The following VAX2 variants were observed in gnomAD, a reference collection of about 807,000 sequenced individuals.
VAX2 encodes ventral anterior homeobox 2.
Under a neutral mutation model 12.5 loss-of-function variants are expected in VAX2, and 8 were observed. The ratio of observed to expected loss-of-function variants is 0.64; its 90% confidence interval spans 0.37 to 1.15. VAX2 has a LOEUF of 1.15. Among genes scored for constraint, VAX2 ranks in the 50% most tolerant of loss-of-function variants. The pLI is 0.01. For missense variants in VAX2, 476 were observed against 412.9 expected (o/e 1.15, Z -1.32); for synonymous variants, 183 against 187.6 (o/e 0.98, Z 0.20).
rs1679749073 is a variant in VAX2 at position 70,933,266 on chromosome 2, C to T, written c.*62C>T. On this transcript the variant is annotated 3_prime_UTR_variant, in exon 3 of 3. Transcript: ENST00000234392. ...ACCTTCCCAGTCTCCTGTGCCCCAG[C>T]GGACAGCACTGAGCAGGCCCCGGAG... 1.3e-5 allele frequency: 19 copies of T among 1,435,112 alleles called. No homozygotes were observed. The highest frequency in any genetic ancestry group is 1.0e-4 in the East Asian group (4 of 39,022). 88.9% of individuals were successfully genotyped at this position (1,435,112 alleles called of 1,614,324 possible). A position where few individuals can be genotyped will look rare whatever the true frequency, so the allele number is the denominator to read the frequency against.
intron 1 of VAX2, among the ~76,000 whole-genome samples, chr2:70,909,747 C>T (rs1553411008): frequency 6.6e-6 from 1 of 152,036 alleles, no homozygotes; most frequent in African/African-American, 2.4e-5. Context: ...TTCTTTTTAA[C>T]CACTGTATAG....
At chr2:70,927,218 T>A (rs940862561) in intron 2 of VAX2, among the ~76,000 whole-genome samples, 1 of 151,932 alleles carries the variant, frequency 6.6e-6, no homozygotes, top group Non-Finnish European at 1.5e-5. Flanking sequence ...AGGGTCCAAG[T>A]AGGACATAAG....
chr2:70,903,317 G>A (rs375503101), intron 1 of VAX2, among the ~76,000 whole-genome samples: 16 of 152,266 alleles, frequency 1.1e-4, no homozygotes, highest in South Asian at 8.3e-4. Flanking sequence ...GTCAATGTTG[G>A]GTTGGGGCCT....
At chr2:70,909,954 T>C (rs1036058077) in intron 1 of VAX2, among the ~76,000 whole-genome samples, 9 of 152,206 alleles carry the variant, frequency 5.9e-5, no homozygotes, top group Non-Finnish European at 1.3e-4. Flanking sequence ...ATTTATACCA[T>C]AGAATGAGTG....
At chr2:70,909,763 C>T (rs1424510448) in intron 1 of VAX2, among the ~76,000 whole-genome samples, 4 of 151,976 alleles carry the variant, frequency 2.6e-5, no homozygotes, top group African/African-American at 7.2e-5. Flanking sequence ...TATAGGATTC[C>T]GTTATGTAGA....
At chr2:70,929,895 G>C (rs1263010811) in intron 2 of VAX2, among the ~76,000 whole-genome samples, 1 of 152,044 alleles carries the variant, frequency 6.6e-6, no homozygotes, top group Non-Finnish European at 1.5e-5. Flanking sequence ...CAACTCCACC[G>C]CCCACTCCAC....
chr2:70,900,839 C>T lies in VAX2; in HGVS notation c.218C>T (p.Ala73Val). 1 of 1,454,138 alleles carries T rather than the reference C, an allele frequency of 6.9e-7. No homozygotes were observed. Among genetic ancestry groups the T allele is most frequent in the East Asian group, 2.9e-5 (1 of 34,820 alleles). The allele number at this position is 1,454,138 out of a possible 1,614,324, so 90.1% of individuals were successfully genotyped here. The change falls in exon 1 of 3, where the codon GCA (alanine) becomes GTA (valine). Residue 73 changes from alanine (A) to valine (V), a missense_variant. Physicochemically the swap from Ala to Val is moderately conservative, Grantham distance 64. Transcript: ENST00000234392. ...DSDGQPGPGE[A>V]DHCRRILVRD... ...GACGGGCAGCCCGGGCCCGGCGAGG[C>T]AGACCACTGCCGCCGCATACTGGTG...
Position 70,922,788 on chromosome 2 carries a change from C to G in VAX2, c.435+1503C>G, listed in dbSNP as rs149310508. On this transcript the variant is annotated intron_variant, in intron 2 of 2. Coordinates refer to ENST00000234392, the MANE Select transcript of VAX2 (RefSeq NM_012476.3). ...TCCCAAACAACCCTGCGGGGCCTCCCTCCAGCTGGGCTCAACAGGGGGCTG... is the reference window on the plus strand; with the variant it reads ...TCCCAAACAACCCTGCGGGGCCTCCGTCCAGCTGGGCTCAACAGGGGGCTG... 2.0e-5 allele frequency among the ~76,000 whole-genome samples: 3 copies of G among 152,306 alleles called. No homozygotes were observed. In the East Asian group the frequency reaches 5.8e-4, roughly 29 times the overall value.
chr2:70,933,019 A>G lies in VAX2; in HGVS notation c.688A>G (p.Asn230Asp). Residue 230 changes from asparagine (N) to aspartate (D), a missense_variant, in exon 3 of 3, where the codon AAC (asparagine) becomes GAC (aspartate). By Grantham distance (23) the Asn-to-Asp change is conservative (BLOSUM62 1). Coordinates refer to ENST00000234392, the MANE Select transcript of VAX2 (RefSeq NM_012476.3). ...CCCCAGGAACTCCTCCCCACGCCTC[A>G]ACCCGCTGTCCTCGGCCTCAGCGTC... Reference protein sequence around the residue: ...GDPRNSSPRLNPLSSASASPP... With the variant: ...GDPRNSSPRLDPLSSASASPP... The G allele has an allele frequency of 6.3e-7, 1 of 1,597,928 alleles. No homozygotes were observed. The highest frequency in any genetic ancestry group is 8.5e-7 in the Non-Finnish European group (1 of 1,171,476).
chr2:70,902,836 C>A (rs948460722), intron 1 of VAX2, among the ~76,000 whole-genome samples: 1 of 152,180 alleles, frequency 6.6e-6, no homozygotes, highest in African/African-American at 2.4e-5. Context: ...AGCCTGTGTG[C>A]GTCTTCAGGG....
intron 1 of VAX2, among the ~76,000 whole-genome samples, chr2:70,917,460 A>G (rs1679335469): frequency 6.6e-6 from 1 of 152,124 alleles, no homozygotes; most frequent in Admixed American, 6.5e-5. Flanking sequence ...GGCTAGTAGT[A>G]CCATTTTCCA....
chr2:70,921,699 T>C (rs1202961977), intron 2 of VAX2, among the ~76,000 whole-genome samples: 1 of 152,008 alleles, frequency 6.6e-6, no homozygotes, highest in Non-Finnish European at 1.5e-5. Context: ...GCTGGGGACC[T>C]CTCGCTTCTC....
At chr2:70,919,603 G>C (rs1400458990) in intron 1 of VAX2, among the ~76,000 whole-genome samples, 2 of 152,160 alleles carry the variant, frequency 1.3e-5, no homozygotes, top group African/African-American at 4.8e-5. Flanking sequence ...CACTTTGGGA[G>C]GCTGAGGCGG....
chr2:70,910,949 A>T (rs879963830), intron 1 of VAX2, among the ~76,000 whole-genome samples: 14 of 151,906 alleles, frequency 9.2e-5, no homozygotes, highest in Non-Finnish European at 1.8e-4. Context: ...AAAAATCTTC[A>T]TCCAGCATTT....
At chr2:70,921,342 G>C in intron 2 of VAX2, 57 bp downstream of exon 2, 1 of 1,492,716 alleles carries the variant, frequency 6.7e-7, no homozygotes, top group Non-Finnish European at 8.9e-7. Flanking sequence ...GGAACTCCTG[G>C]GGATATGAGG....
intron 2 of VAX2, among the ~76,000 whole-genome samples, chr2:70,930,984 G>C (rs1553414234): frequency 6.6e-6 from 1 of 152,206 alleles, no homozygotes; most frequent in African/African-American, 2.4e-5. Flanking sequence ...ACATGGGCCT[G>C]TAGATGCTGT....
intron 1 of VAX2, among the ~76,000 whole-genome samples, chr2:70,905,946 C>T (rs918210964): frequency 3.9e-5 from 6 of 152,180 alleles, no homozygotes; most frequent in Non-Finnish European, 8.8e-5. Flanking sequence ...GCTGCAGGCT[C>T]CCTTCTTGTT....
intron 1 of VAX2, among the ~76,000 whole-genome samples, chr2:70,916,241 T>A (rs1303654335): frequency 1.3e-5 from 2 of 152,226 alleles, no homozygotes; most frequent in Non-Finnish European, 2.9e-5. Context: ...ATAAAAATAG[T>A]ACAGAGAAGT....
Position 70,933,088 on chromosome 2 carries a change from GC to G in VAX2, c.761del (p.Pro254ArgfsTer22), listed in dbSNP as rs782135033. ...TCTGCCAGCTGTCTGCTTTTCCTCGGCCCCGCTCCTGGATCTGCCTGCCGGC... is the reference window on the plus strand; with the variant it reads ...TCTGCCAGCTGTCTGCTTTTCCTCGGCCCGCTCCTGGATCTGCCTGCCGGC... ...PPLPAVCFSS[A>X]PLLDLPAGYE... On this transcript the variant is annotated frameshift_variant, in exon 3 of 3. Coordinates refer to ENST00000234392, the MANE Select transcript of VAX2 (RefSeq NM_012476.3). LOFTEE classifies it high-confidence loss of function. 70 of 1,609,864 alleles carry G rather than the reference GC, an allele frequency of 4.3e-5. No homozygotes were observed. Among genetic ancestry groups the G allele is most frequent in the Non-Finnish European group, 4.5e-5 (53 of 1,178,322 alleles).
Sources: gnomAD v4.1 joint callset for allele counts (sites outside exome capture counted in the v4.1 genomes callset) on GRCh38, gnomAD v4.1.1 for gene constraint, MANE v1.5 for transcripts, NCBI Gene and HGNC (gene_info 2026-07-23, HGNC 2026-07-21) for gene names.